Variants in COMMD6 observed in about 807,000 individuals in gnomAD.
COMMD6 encodes COMM domain-containing protein 6.
Under a neutral mutation model 13.4 loss-of-function variants are expected in COMMD6, and 11 were observed. That is an observed-to-expected ratio of 0.82 (90% CI 0.52 to 1.36). The LOEUF is 1.36. Among genes scored for constraint, COMMD6 ranks in the 40% most tolerant of loss-of-function variants. The pLI is 0.00. For missense variants in COMMD6, 124 were observed against 102.4 expected (o/e 1.21, Z -0.91); for synonymous variants, 43 against 36.5 (o/e 1.18, Z -0.64).
chr13:75,531,517 A>T (rs985752595), intron 2 of COMMD6, among the ~76,000 whole-genome samples: 1 of 151,602 alleles, frequency 6.6e-6, no homozygotes, highest in Non-Finnish European at 1.5e-5. Context: ...AACATCTTTT[A>T]TAAGAAGATT....
chr13:75,542,844 T>G (rs139785752), upstream of COMMD6, among the ~76,000 whole-genome samples: 2 of 152,314 alleles, frequency 1.3e-5, no homozygotes, highest in African/African-American at 4.8e-5. Context: ...CTTTGCTGAT[T>G]TTGAAGACAG....
intron 1 of COMMD6, among the ~76,000 whole-genome samples, chr13:75,548,038 A>G (rs1437908241): frequency 6.6e-6 from 1 of 152,242 alleles, no homozygotes; most frequent in African/African-American, 2.4e-5. Flanking sequence ...CAATGCTGCT[A>G]GTGTCCCTGG....
chr13:75,546,129 C>A (rs1593963969), intron 1 of COMMD6, among the ~76,000 whole-genome samples: 1 of 152,104 alleles, frequency 6.6e-6, no homozygotes, highest in Admixed American at 6.5e-5. Flanking sequence ...CCAAGTATCC[C>A]CAAAAATTGA....
chr13:75,531,942 A>G (rs1331599538), intron 2 of COMMD6, among the ~76,000 whole-genome samples: 1 of 152,262 alleles, frequency 6.6e-6, no homozygotes, highest in Non-Finnish European at 1.5e-5. Flanking sequence ...CCTAAACTGA[A>G]AACCCAAATG....
At chr13:75,540,903 C>T (rs1428567637), upstream of COMMD6, among the ~76,000 whole-genome samples, 1 of 152,154 alleles carries the variant, frequency 6.6e-6, no homozygotes, top group African/African-American at 2.4e-5. Flanking sequence ...GAAATTGGTA[C>T]TCATGAAGCA....
upstream of COMMD6, among the ~76,000 whole-genome samples, chr13:75,540,656 A>G (rs1277592940): frequency 3.3e-5 from 5 of 152,216 alleles, no homozygotes; most frequent in African/African-American, 1.2e-4. Flanking sequence ...CACTTACACA[A>G]ACTTCGCAGT....
intron 3 of COMMD6, chr13:75,527,706 C>T: frequency 1.7e-6 from 2 of 1,174,674 alleles, no homozygotes; most frequent in Non-Finnish European, 2.2e-6. Flanking sequence ...TTTGCAACAA[C>T]ATGGATGAAC....
At chr13:75,548,043 C>T (rs1370369896) in intron 1 of COMMD6, among the ~76,000 whole-genome samples, 1 of 152,228 alleles carries the variant, frequency 6.6e-6, no homozygotes, top group Admixed American at 6.5e-5. Context: ...CTGCTAGTGT[C>T]CCTGGAAGAT....
upstream of COMMD6, among the ~76,000 whole-genome samples, chr13:75,539,476 G>A (rs9573581): frequency 0.76 from 114,762 of 151,872 alleles, 44,879 homozygotes; most frequent in East Asian, 1. Flanking sequence ...CTGTCCTCAC[G>A]TAATCCACCC....
chr13:75,528,778 G>A (rs931347170), intron 3 of COMMD6, among the ~76,000 whole-genome samples: 1 of 151,542 alleles, frequency 6.6e-6, no homozygotes. Flanking sequence ...GGAGGCAGAG[G>A]TTGCAGTGAG....
At chr13:75,541,868 T>C (rs1395291953), upstream of COMMD6, among the ~76,000 whole-genome samples, 3 of 152,198 alleles carry the variant, frequency 2.0e-5, no homozygotes, top group African/African-American at 7.2e-5. Flanking sequence ...AATTTATGAA[T>C]ATGTTATGGT....
intron 2 of COMMD6, among the ~76,000 whole-genome samples, chr13:75,532,129 A>G (rs146215258): frequency 6.8e-4 from 104 of 152,310 alleles, no homozygotes; most frequent in African/African-American, 2.4e-3. Context: ...TGGGGTGGAG[A>G]GAAGTGGGCA....
At chr13:75,533,835 T>C (rs1258469313) in intron 2 of COMMD6, among the ~76,000 whole-genome samples, 1 of 152,174 alleles carries the variant, frequency 6.6e-6, no homozygotes, top group Non-Finnish European at 1.5e-5. Context: ...TAAGAGATGA[T>C]ACTAGGGTTA....
chr13:75,546,200 G>C (rs2030902700), intron 1 of COMMD6, among the ~76,000 whole-genome samples: 1 of 152,074 alleles, frequency 6.6e-6, no homozygotes, highest in Admixed American at 6.5e-5. Flanking sequence ...GCTGTAATTT[G>C]GCAAAACAAA....
chr13:75,543,199 G>A (rs539360628), upstream of COMMD6, among the ~76,000 whole-genome samples: 22 of 152,316 alleles, frequency 1.4e-4, 1 homozygote, highest in South Asian at 3.9e-3. Flanking sequence ...GGAGGAAGGC[G>A]AGGATTGAAA....
intron 3 of COMMD6, among the ~76,000 whole-genome samples, chr13:75,528,465 T>C (rs2030346946): frequency 6.6e-6 from 1 of 152,230 alleles, no homozygotes; most frequent in Non-Finnish European, 1.5e-5. Context: ...TTAATAATGT[T>C]AAATTTGTGA....
rs2030263863 is a variant in COMMD6 at position 75,526,525 on chromosome 13, TG to T, written c.*63del. On this transcript the variant is annotated 3_prime_UTR_variant, in exon 4 of 4. Transcript: ENST00000682242. Reference sequence around the variant, plus strand: ...TAAATGTTCCATCCTTATTTAGTTTTGTTGCCGAAAGTGAAGTCCATGACTT... The same window carrying T: ...TAAATGTTCCATCCTTATTTAGTTTTTTGCCGAAAGTGAAGTCCATGACTT... 1.8e-6 allele frequency: 2 copies of T among 1,092,558 alleles called. No homozygotes were observed. Among genetic ancestry groups the T allele is most frequent in the African/African-American group, 3.2e-5 (2 of 62,538 alleles). The allele number at this position is 1,092,558 out of a possible 1,614,324, so 67.7% of individuals were successfully genotyped here. A position where few individuals can be genotyped will look rare whatever the true frequency, so the allele number is the denominator to read the frequency against.
intron 2 of COMMD6, among the ~76,000 whole-genome samples, chr13:75,533,719 TTGA>T (rs1352145726): frequency 6.6e-6 from 1 of 152,184 alleles, no homozygotes; most frequent in East Asian, 1.9e-4. Flanking sequence ...TTGCTAGGTC[TTGA>T]TGATTGCCTA....
chr13:75,526,202 T>C lies in COMMD6; in HGVS notation c.*387A>G, dbSNP rs2030247575. 6.5e-6 allele frequency: 1 copy of C among 154,768 alleles called. No homozygotes were observed. Among genetic ancestry groups the C allele is most frequent in the Non-Finnish European group, 1.4e-5 (1 of 69,850 alleles). 9.6% of individuals were successfully genotyped at this position (154,768 alleles called of 1,614,324 possible). On this transcript the variant is annotated 3_prime_UTR_variant, in exon 4 of 4. Transcript: ENST00000682242. ...TCAAATACTACTTTTCTAATTTATA[T>C]ATATTTTTATATACATGACTCCAAA...
Sources: gnomAD v4.1 joint callset for allele counts (sites outside exome capture counted in the v4.1 genomes callset) on GRCh38, gnomAD v4.1.1 for gene constraint, MANE v1.5 for transcripts, NCBI Gene and HGNC (gene_info 2026-07-23, HGNC 2026-07-21) for gene names.